Variants in KCNIP1 observed in about 807,000 individuals in gnomAD.
The protein encoded by KCNIP1 is A-type potassium channel modulatory protein KCNIP1.
Under a neutral mutation model 33.0 loss-of-function variants are expected in KCNIP1, and 18 were observed. The observed-to-expected ratio is 0.55, with a 90% CI of 0.38 to 0.81. The LOEUF is 0.81. KCNIP1 is among the 30% of genes least tolerant of loss of function. The probability of loss-of-function intolerance (pLI) is 0.00; values close to 1 mark genes in which losing one functional copy is unlikely to be tolerated. For synonymous variants in KCNIP1, 93 were observed against 98.3 expected (o/e 0.95, Z 0.32); for missense variants, 238 against 271.6 (o/e 0.88, Z 0.87).
intron 1 of KCNIP1, among the ~76,000 whole-genome samples, chr5:170,386,094 C>T (rs1220108725): frequency 2.0e-5 from 3 of 150,794 alleles, no homozygotes; most frequent in Non-Finnish European, 4.4e-5. Flanking sequence ...CACTGCACTC[C>T]AGCCTGGGCA....
At chr5:170,723,486 C>A (rs1394149273) in intron 5 of KCNIP1, among the ~76,000 whole-genome samples, 1 of 152,176 alleles carries the variant, frequency 6.6e-6, no homozygotes, top group Non-Finnish European at 1.5e-5. Context: ...TAACACTCCA[C>A]TTGCTGAGCT....
At chr5:170,579,393 C>G (rs193051751) in intron 1 of KCNIP1, among the ~76,000 whole-genome samples, 1 of 152,144 alleles carries the variant, frequency 6.6e-6, no homozygotes. Flanking sequence ...GATCTATGTA[C>G]GACACTTAGA....
chr5:170,564,069 G>A lies in KCNIP1; in HGVS notation c.61+59436G>A, dbSNP rs115610575. On this transcript the variant is annotated intron_variant, in intron 1 of 7. Transcript: ENST00000328939. ...CTTTCCTCCATAACCACGTCACAGT[G>A]CACTGTAAACACATTACGAACCAGC... is the stretch of plus-strand genomic sequence containing the variant. 5.8e-3 allele frequency among the ~76,000 whole-genome samples: 876 copies of A among 152,238 alleles called. 11 individuals carry two copies. The highest frequency in any genetic ancestry group is 0.02 in the African/African-American group (831 of 41,536).
At position 170,504,188 on chromosome 5, in the gene KCNIP1, C is replaced by G; in HGVS notation, c.-385C>G. Reference sequence around the variant, plus strand: ...GTGTGCGGCAGGAGGGGCGGGCGGACGGCGGCTCCCGCACCGCACGCGGCG... The same window carrying G: ...GTGTGCGGCAGGAGGGGCGGGCGGAGGGCGGCTCCCGCACCGCACGCGGCG... On this transcript the variant is annotated 5_prime_UTR_variant, in exon 1 of 8. Coordinates refer to ENST00000328939, the MANE Select transcript of KCNIP1 (RefSeq NM_014592.4). The surrounding 1 kb of genome is among the most constrained non-coding windows in gnomAD (Gnocchi z 6.0). 2 of 1,021,152 alleles carry G rather than the reference C, an allele frequency of 2.0e-6. No individual in the cohort carries two copies. Among genetic ancestry groups the G allele is most frequent in the Non-Finnish European group, 2.3e-6 (2 of 854,124 alleles). 63.3% of individuals were successfully genotyped at this position (1,021,152 alleles called of 1,614,324 possible). A position where few individuals can be genotyped will look rare whatever the true frequency, so the allele number is the denominator to read the frequency against.
At chr5:170,429,645 G>C (rs1430167129) in intron 1 of KCNIP1, among the ~76,000 whole-genome samples, 1 of 151,936 alleles carries the variant, frequency 6.6e-6, no homozygotes, top group Non-Finnish European at 1.5e-5. Context: ...AGCCTCCATT[G>C]TCTATTATCC....
At chr5:170,626,573 C>G (rs1759833582) in intron 1 of KCNIP1, among the ~76,000 whole-genome samples, 1 of 150,176 alleles carries the variant, frequency 6.7e-6, no homozygotes, top group Non-Finnish European at 1.5e-5. Context: ...AATAATTATG[C>G]TGGACCAGGG....
At chr5:170,392,085 C>T (rs542010282) in intron 1 of KCNIP1, among the ~76,000 whole-genome samples, 13 of 152,316 alleles carry the variant, frequency 8.5e-5, no homozygotes, top group Non-Finnish European at 1.6e-4. Flanking sequence ...TCCCCCCACA[C>T]GCTCTCGGGA....
chr5:170,658,945 G>T (rs1263835792), intron 1 of KCNIP1, among the ~76,000 whole-genome samples: 1 of 152,116 alleles, frequency 6.6e-6, no homozygotes, highest in Non-Finnish European at 1.5e-5. Flanking sequence ...GACAGATCAC[G>T]AGCAGCCATC....
chr5:170,649,312 G>A (rs2113717419), intron 1 of KCNIP1, among the ~76,000 whole-genome samples: 1 of 152,268 alleles, frequency 6.6e-6, no homozygotes, highest in East Asian at 1.9e-4. Context: ...AATAAAAATA[G>A]ATATGGGAAC....
chr5:170,388,532 A>G (rs1207970810), intron 1 of KCNIP1, among the ~76,000 whole-genome samples: 2 of 152,236 alleles, frequency 1.3e-5, no homozygotes, highest in African/African-American at 4.8e-5. Flanking sequence ...TAGAAAGGTC[A>G]CTTGAGATCT....
At chr5:170,463,038 G>A (rs907970699) in intron 1 of KCNIP1, among the ~76,000 whole-genome samples, 9 of 151,940 alleles carry the variant, frequency 5.9e-5, no homozygotes, top group African/African-American at 2.2e-4. Flanking sequence ...CTCGGGTGAT[G>A]GGTGCACCAA....
At chr5:170,353,685 C>A (rs1763270525) in exon 1 of KCNIP1, 1 of 609,106 alleles carries the variant, frequency 1.6e-6, no homozygotes, top group East Asian at 2.8e-5. Flanking sequence ...GAGAGTTTGC[C>A]CTGCAGGCTC....
At chr5:170,539,664 C>T (rs776495281) in intron 1 of KCNIP1, among the ~76,000 whole-genome samples, 5 of 152,154 alleles carry the variant, frequency 3.3e-5, no homozygotes, top group Admixed American at 6.5e-5. Flanking sequence ...CCATTGTCCT[C>T]GCTAGACTTC....
intron 1 of KCNIP1, among the ~76,000 whole-genome samples, chr5:170,603,266 T>G (rs62394329): frequency 0.32 from 48,277 of 152,190 alleles, 8,739 homozygotes; most frequent in Non-Finnish European, 0.42. Flanking sequence ...CTGGAGGTTC[T>G]GCTGAGCTGA....
intron 1 of KCNIP1, among the ~76,000 whole-genome samples, chr5:170,667,811 C>A (rs1761763065): frequency 6.6e-6 from 1 of 152,238 alleles, no homozygotes; most frequent in African/African-American, 2.4e-5. Context: ...ACAGAGTAAG[C>A]AGCCAATTAA....
chr5:170,599,117 C>G (rs915830897), intron 1 of KCNIP1, among the ~76,000 whole-genome samples: 1 of 151,996 alleles, frequency 6.6e-6, no homozygotes. Flanking sequence ...GGAAGGAGCA[C>G]CAGATAGAAC....
At chr5:170,617,954 T>A (rs1390885597) in intron 1 of KCNIP1, among the ~76,000 whole-genome samples, 1 of 152,202 alleles carries the variant, frequency 6.6e-6, no homozygotes, top group Non-Finnish European at 1.5e-5. Flanking sequence ...ATAAAACAGT[T>A]GTCTTACAGG....
rs558331040 is a variant in KCNIP1 at position 170,428,724 on chromosome 5, C to T, written c.88+74760C>T. Among the ~76,000 whole-genome samples, 4 of 152,230 alleles carry T rather than the reference C, an allele frequency of 2.6e-5. No homozygotes were observed. The South Asian group carries it at 8.3e-4, about 32-fold the overall frequency. ...AAGGTGTGTGTCACCTTCACCTTCCCACCCTTTATGGGGGAGGAAAATATT... is the reference window on the plus strand; with the variant it reads ...AAGGTGTGTGTCACCTTCACCTTCCTACCCTTTATGGGGGAGGAAAATATT... On this transcript the variant is annotated intron_variant, in intron 1 of 7. Transcript: ENST00000377360.
At chr5:170,440,934 C>A (rs1049903244) in intron 1 of KCNIP1, among the ~76,000 whole-genome samples, 1 of 152,154 alleles carries the variant, frequency 6.6e-6, no homozygotes, top group Non-Finnish European at 1.5e-5. Flanking sequence ...GTTCTCTCCC[C>A]CTGGCCCAAT....
Sources: allele counts gnomAD v4.1 joint callset (sites outside exome capture counted in the v4.1 genomes callset), GRCh38; gene constraint gnomAD v4.1.1; non-coding constraint Gnocchi (gnomAD v3.1); transcripts MANE v1.5; gene names NCBI Gene and HGNC (gene_info 2026-07-23, HGNC 2026-07-21).